HIPK1: variants seen among roughly 807,000 people sequenced by gnomAD.
HIPK1 encodes the protein homeodomain-interacting protein kinase 1.
Under a neutral mutation model 117.1 loss-of-function variants are expected in HIPK1, and 28 were observed. The ratio of observed to expected loss-of-function variants is 0.24; its 90% confidence interval spans 0.18 to 0.33. The LOEUF is 0.33. Among genes scored for constraint, HIPK1 ranks in the 10% least tolerant of loss-of-function variants. HIPK1 has a pLI of 1.00. For synonymous variants in HIPK1, 605 were observed against 562.5 expected (o/e 1.08, Z -1.07); for missense variants, 1,122 against 1,475.1 (o/e 0.76, Z 3.92).
Position 113,974,813 on chromosome 1 carries a change from C to T in HIPK1, c.*1301C>T, listed in dbSNP as rs886202657. On this transcript the variant is annotated 3_prime_UTR_variant, in exon 16 of 16. Transcript: ENST00000426820. ...TAGAAAAATATAACAAGCAATTTTT[C>T]CTGCTAACCCAAAATGTTATTTGTA... 1 of 152,490 alleles carries T rather than the reference C, an allele frequency of 6.6e-6. No individual in the cohort carries two copies. Among genetic ancestry groups the T allele is most frequent in the Admixed American group, 6.5e-5 (1 of 15,276 alleles). The allele number at this position is 152,490 out of a possible 1,614,324, so 9.4% of individuals were successfully genotyped here.
intron 15 of HIPK1, among the ~76,000 whole-genome samples, chr1:113,972,428 A>AC (rs1672900158): frequency 6.6e-6 from 1 of 151,676 alleles, no homozygotes; most frequent in South Asian, 2.1e-4. Context: ...CTCTCCGAAC[A>AC]CCCCCAGCCC....
In HIPK1 at chr1:113,956,758, T is replaced by C; in HGVS notation, c.1539T>C (p.Leu513=). ...AGAGAATTACCCCTCTAAAAACTCT[T>C]AACCATCAGTTTGTGACAATGACTC... is the stretch of plus-strand genomic sequence containing the variant. ...ADKRITPLKT[L]NHQFVTMTHL... Residue 513 remains leucine (L), a synonymous_variant, in exon 6 of 16, where the codon CTT becomes CTC. Transcript: ENST00000426820. 1 of 1,614,114 alleles carries C rather than the reference T, an allele frequency of 6.2e-7. No individual in the cohort carries two copies. The highest frequency in any genetic ancestry group is 1.1e-5 in the South Asian group (1 of 91,084).
chr1:113,972,277 T>C (rs1331146013), intron 15 of HIPK1, among the ~76,000 whole-genome samples: 1 of 152,190 alleles, frequency 6.6e-6, no homozygotes, highest in Non-Finnish European at 1.5e-5. Flanking sequence ...GACCAGATTC[T>C]CTTTATCCCC....
At chr1:113,933,102 C>A in intron 1 of HIPK1, 3 of 815,080 alleles carry the variant, frequency 3.7e-6, no homozygotes, top group Non-Finnish European at 1.5e-6. Context: ...TTTTACTAAA[C>A]ACAAAGCACT....
At chr1:113,963,660 C>A in intron 10 of HIPK1, 139 bp downstream of exon 10, 1 of 846,332 alleles carries the variant, frequency 1.2e-6, no homozygotes, top group Non-Finnish European at 1.8e-6. Flanking sequence ...TTGCAGAGGG[C>A]ATGGAAGCAT....
At position 113,973,627 on chromosome 1, in the gene HIPK1, T is replaced by A; in HGVS notation, c.*115T>A. On this transcript the variant is annotated 3_prime_UTR_variant, in exon 16 of 16. Coordinates refer to ENST00000426820, the MANE Select transcript of HIPK1 (RefSeq NM_198268.3). The stretch of plus-strand genomic sequence containing the variant: ...TCTTGAAATTTCTTAGCCAGCAACT[T>A]GTTCTGCAGGGGCCCACTGAAGCAG... 7.9e-7 allele frequency: 1 copy of A among 1,264,548 alleles called. No homozygotes were observed. The highest frequency in any genetic ancestry group is 1.1e-6 in the Non-Finnish European group (1 of 933,556). 78.3% of individuals were successfully genotyped at this position (1,264,548 alleles called of 1,614,324 possible).
Position 113,971,701 on chromosome 1 carries a change from G to A in HIPK1, c.3014-123G>A, listed in dbSNP as rs965858648. ...TGATAACAGGTTATTTTCTTCTGATGTAAATAGAATTGAGACCTTAATGCT... is the reference window on the plus strand; with the variant it reads ...TGATAACAGGTTATTTTCTTCTGATATAAATAGAATTGAGACCTTAATGCT... On this transcript the variant is annotated intron_variant, in intron 14 of 15. Transcript: ENST00000426820. The A allele has an allele frequency of 1.4e-5, 12 of 836,074 alleles. No individual in the cohort carries two copies. In the African/African-American group the frequency reaches 2.2e-4, roughly 15 times the overall value. The allele number at this position is 836,074 out of a possible 1,614,324, so 51.8% of individuals were successfully genotyped here. A position where few individuals can be genotyped will look rare whatever the true frequency, so the allele number is the denominator to read the frequency against.
intron 15 of HIPK1, among the ~76,000 whole-genome samples, chr1:113,972,280 T>C (rs1422523398): frequency 6.6e-6 from 1 of 152,172 alleles, no homozygotes; most frequent in Non-Finnish European, 1.5e-5. Context: ...CAGATTCTCT[T>C]TATCCCCCAG....
rs531825190 is a variant in HIPK1, at chr1:113,967,913, G to A, written c.2529G>A (p.Ser843=). The A allele has an allele frequency of 4.2e-5, 68 of 1,609,028 alleles. No individual in the cohort carries two copies. Among genetic ancestry groups the A allele is most frequent in the Middle Eastern group, 1.6e-4 (1 of 6,072 alleles). Residue 843 remains serine, a synonymous_variant, in exon 12 of 16, where the codon TCG becomes TCA. Transcript: ENST00000426820. ...VRQQQSSSLP[S]KKNKQSAPVS... is the part of the protein sequence containing the mutation. ...AACAACAATCCAGTTCCCTCCCTTC[G>A]AAGAAGAATAAGCAGTCAGCTCCAG... is the stretch of plus-strand genomic sequence containing the variant.
At chr1:113,969,035 A>G (rs1414839116) in intron 13 of HIPK1, among the ~76,000 whole-genome samples, 1 of 150,130 alleles carries the variant, frequency 6.7e-6, no homozygotes, top group East Asian at 2.0e-4. Flanking sequence ...GCCCCCACCC[A>G]AAAAAAAGGG....
intron 2 of HIPK1, among the ~76,000 whole-genome samples, chr1:113,945,641 T>C (rs1670940551): frequency 6.6e-6 from 1 of 152,242 alleles, no homozygotes; most frequent in South Asian, 2.1e-4. Flanking sequence ...TTTGAACATA[T>C]ATACAAATAA....
chr1:113,947,517 G>T (rs1464197426), intron 2 of HIPK1, among the ~76,000 whole-genome samples: 1 of 152,130 alleles, frequency 6.6e-6, no homozygotes, highest in African/African-American at 2.4e-5. Flanking sequence ...TCTCTAATTG[G>T]TAAGTAAGTA....
chr1:113,968,559 C>T lies in HIPK1; in HGVS notation c.2682C>T (p.Ile894=), dbSNP rs768754129. Residue 894 remains isoleucine, a synonymous_variant, in exon 13 of 16, where the codon ATC becomes ATT. Coordinates refer to ENST00000426820, the MANE Select transcript of HIPK1 (RefSeq NM_198268.3). ...TCCAAGATCAGCATCAGCCCATCAT[C>T]ATTCCAGATACTCCCAGCCCTCCTG... ...VPVQDQHQPI[I]IPDTPSPPVS... 1.2e-5 allele frequency: 20 copies of T among 1,613,936 alleles called. No homozygotes were observed. The highest frequency in any genetic ancestry group is 1.6e-4 in the Middle Eastern group (1 of 6,082).
At chr1:113,947,932 T>C (rs1403465994) in intron 2 of HIPK1, among the ~76,000 whole-genome samples, 1 of 152,190 alleles carries the variant, frequency 6.6e-6, no homozygotes, top group Non-Finnish European at 1.5e-5. Flanking sequence ...ATGTTACAGC[T>C]GGAAAGGGAC....
rs1205506462 is a variant in HIPK1 at position 113,956,698 on chromosome 1, T to A, written c.1479T>A (p.Asp493Glu). The A allele has an allele frequency of 1.2e-6, 2 of 1,613,876 alleles. No homozygotes were observed. The highest frequency in any genetic ancestry group is 1.7e-6 in the Non-Finnish European group (2 of 1,179,864). ...AEKADRREYI[D>E]LLKKMLTIDA... The stretch of plus-strand genomic sequence containing the variant: ...AGGCAGACCGAAGAGAATACATTGA[T>A]CTGTTAAAGAAAATGCTCACAATTG... The change falls in exon 6 of 16, where the codon GAT (aspartate) becomes GAA (glutamate). Residue 493 changes from aspartate (D) to glutamate (E), a missense_variant. By Grantham distance (45) the Asp-to-Glu change is conservative. Around this residue, in one of 6 missense-constraint regions of HIPK1, gnomAD observed 127 missense variants for 197.9 expected, o/e 0.64. Coordinates refer to ENST00000426820, the MANE Select transcript of HIPK1 (RefSeq NM_198268.3).
At chr1:113,933,302 G>C in intron 1 of HIPK1, 1 of 577,246 alleles carries the variant, frequency 1.7e-6, no homozygotes, top group Non-Finnish European at 2.2e-6. Context: ...ACATGTTGAA[G>C]GAACTAGGGC....
At position 113,949,316 on chromosome 1, in the gene HIPK1, T is replaced by TTGTGCTCCCCCTGCCAGC. The variant is rs1671193631; in HGVS notation, c.1077-3448_1077-3431dup. Among the ~76,000 whole-genome samples, 4 of 152,314 alleles carry TTGTGCTCCCCCTGCCAGC rather than the reference T, an allele frequency of 2.6e-5. No homozygotes were observed. In the South Asian group the frequency reaches 6.2e-4, roughly 24 times the overall value. ...AGTTTTTATTTTGGCTCATTGCCAG[T>TTGTGCTCCCCCTGCCAGC]TGTGCTCCCCCTGCCAGCTATTTTT... On this transcript the variant is annotated intron_variant, in intron 2 of 15. Coordinates refer to ENST00000426820, the MANE Select transcript of HIPK1 (RefSeq NM_198268.3).
In HIPK1 at chr1:113,976,791, G is replaced by A. The variant is rs1162824275; in HGVS notation, c.*3279G>A. ...GTGAGCAGCTGGCCTGGGTCACAGTGACCTGACCTCAAACCAGCTTAAGGC... is the reference window on the plus strand; with the variant it reads ...GTGAGCAGCTGGCCTGGGTCACAGTAACCTGACCTCAAACCAGCTTAAGGC... On this transcript the variant is annotated 3_prime_UTR_variant, in exon 16 of 16. Coordinates refer to ENST00000426820, the MANE Select transcript of HIPK1 (RefSeq NM_198268.3). 6.5e-6 allele frequency: 1 copy of A among 152,828 alleles called. No homozygotes were observed. The highest frequency in any genetic ancestry group is 1.5e-5 in the Non-Finnish European group (1 of 68,060). The allele number at this position is 152,828 out of a possible 1,614,324, so 9.5% of individuals were successfully genotyped here. A position where few individuals can be genotyped will look rare whatever the true frequency, so the allele number is the denominator to read the frequency against.
At chr1:113,971,723 T>C in intron 14 of HIPK1, 101 bp from the exon 15 acceptor site, 2 of 1,151,002 alleles carry the variant, frequency 1.7e-6, no homozygotes, top group East Asian at 5.5e-5. Flanking sequence ...GAGACCTTAA[T>C]GCTTGCAAAC....
Sources: allele counts gnomAD v4.1 joint callset (sites outside exome capture counted in the v4.1 genomes callset), GRCh38; gene constraint gnomAD v4.1.1; regional missense constraint gnomAD v4.1.1; transcripts MANE v1.5; gene names NCBI Gene and HGNC (gene_info 2026-07-23, HGNC 2026-07-21).